The following GPC3 variants were observed in gnomAD, a reference collection of about 807,000 sequenced individuals.
GPC3 encodes glypican 3.
A neutral mutation model predicts 34.4 loss-of-function variants in GPC3; 3 were observed. The observed-to-expected ratio is 0.09, with a 90% CI of 0.04 to 0.23. The LOEUF is 0.23. GPC3 is among the 10% of genes least tolerant of loss of function. The probability of loss-of-function intolerance (pLI) is 1.00; values close to 1 mark genes in which losing one functional copy is unlikely to be tolerated. For synonymous variants in GPC3, 177 were observed against 174.0 expected, an observed-to-expected ratio of 1.02 and a Z score of -0.13; for missense variants, 351 against 445.6, an observed-to-expected ratio of 0.79 and a Z score of 1.91.
chrX:133,730,239 C>T (rs1696960624), intron 3 of GPC3, among the ~76,000 whole-genome samples: 1 of 111,972 alleles, frequency 8.9e-6, no homozygotes, highest in African/African-American at 3.2e-5. Flanking sequence ...CTTTATAGTA[C>T]TCATCTGCAA....
chrX:133,623,414 C>A (rs778757014), intron 6 of GPC3, among the ~76,000 whole-genome samples: 2 of 111,599 alleles, frequency 1.8e-5, no homozygotes, highest in Admixed American at 9.6e-5. Flanking sequence ...TCAGGAGACC[C>A]ATCTCACGTG....
At chrX:133,542,286 A>G (rs1203556701) in intron 7 of GPC3, among the ~76,000 whole-genome samples, 1 of 112,054 alleles carries the variant, frequency 8.9e-6, no homozygotes, top group Non-Finnish European at 1.9e-5. Flanking sequence ...CATTGGAGGC[A>G]GTACACACAG....
chrX:133,644,246 C>G, intron 6 of GPC3, among the ~76,000 whole-genome samples: 2 of 111,660 alleles, frequency 1.8e-5, no homozygotes, highest in Middle Eastern at 4.6e-3. Context: ...TTTCTGGCTA[C>G]TTCAAGTGAC....
Position 133,737,812 on chromosome X carries a change from A to T in GPC3, c.1032+15670T>A, listed in dbSNP as rs763753241. Among the ~76,000 whole-genome samples, 5 of 112,283 alleles carry T rather than the reference A, an allele frequency of 4.5e-5. No homozygotes were observed. In the East Asian group the frequency reaches 1.4e-3, roughly 31 times the overall value. ...TTTGATTTAAGAAAATGGCAAATAT[A>T]TCATAGTTGAGACATAATGTTTTTC... is the stretch of plus-strand genomic sequence containing the variant. On this transcript the variant is annotated intron_variant, in intron 3 of 7. Transcript: ENST00000370818.
chrX:133,626,915 C>A lies in GPC3; in HGVS notation c.1414-30316G>T, dbSNP rs1764201797. Among the ~76,000 whole-genome samples the A allele has an allele frequency of 2.8e-5, 3 of 107,922 alleles. No individual in the cohort carries two copies. In the Admixed American group the frequency reaches 3.1e-4, roughly 11 times the overall value. 93.7% of individuals were successfully genotyped at this position (107,922 alleles called of 115,157 possible). A position where few individuals can be genotyped will look rare whatever the true frequency, so the allele number is the denominator to read the frequency against. On this transcript the variant is annotated intron_variant, in intron 6 of 7. Transcript: ENST00000370818. The stretch of plus-strand genomic sequence containing the variant: ...CAATAGCAAAGACTTGGAACCAACC[C>A]AAATGTCCAACAATGATAGACTGGA...
At position 133,948,860 on chromosome X, in the gene GPC3, C is replaced by T. The variant is rs542183877; in HGVS notation, c.337+4190G>A. ...ATAAGTGGCAAAAGTTGTTGAAATA[C>T]ATCATGAACTCCAGCCTTGTCGAGG... On this transcript the variant is annotated intron_variant, in intron 2 of 7. Coordinates refer to ENST00000370818, the MANE Select transcript of GPC3 (RefSeq NM_004484.4). Among the ~76,000 whole-genome samples the T allele has an allele frequency of 2.7e-5, 3 of 112,004 alleles. No homozygotes were observed. In the South Asian group the frequency reaches 1.1e-3, roughly 42 times the overall value.
At chrX:133,922,245 G>A (rs1237359080) in intron 2 of GPC3, among the ~76,000 whole-genome samples, 1 of 112,058 alleles carries the variant, frequency 8.9e-6, no homozygotes, top group Admixed American at 9.5e-5. Flanking sequence ...AAGAAAGACT[G>A]GTCCTACGCC....
rs781612003 is a variant in GPC3, at chrX:133,638,821, TAAAAAAAA to T, written c.1413+22901_1413+22908del. 2.3e-4 allele frequency among the ~76,000 whole-genome samples: 17 copies of T among 72,762 alleles called. No individual in the cohort carries two copies. The East Asian group carries it at 5.0e-3, about 22-fold the overall frequency. 63.2% of individuals were successfully genotyped at this position (72,762 alleles called of 115,157 possible). On this transcript the variant is annotated intron_variant, in intron 6 of 7. Coordinates refer to ENST00000370818, the MANE Select transcript of GPC3 (RefSeq NM_004484.4). ...CTAACACTAACAATAGCTGATGAGCTAAAAAAAAAAAAAAAGAAAAAAATCGCAAAGAA... is the reference window on the plus strand; with the variant it reads ...CTAACACTAACAATAGCTGATGAGCTAAAAAAAGAAAAAAATCGCAAAGAA...
At chrX:133,976,081 C>T in intron 1 of GPC3, among the ~76,000 whole-genome samples, 1 of 112,076 alleles carries the variant, frequency 8.9e-6, no homozygotes, top group Non-Finnish European at 1.9e-5. Flanking sequence ...AGTGGTAGCT[C>T]TATGATATCA....
At chrX:133,844,927 G>A (rs1478326788) in intron 2 of GPC3, among the ~76,000 whole-genome samples, 1 of 111,732 alleles carries the variant, frequency 8.9e-6, no homozygotes, top group African/African-American at 3.3e-5. Context: ...CTCAGCTGGT[G>A]GGAGCTATAG....
At chrX:133,887,764 G>C (rs936273416) in intron 2 of GPC3, among the ~76,000 whole-genome samples, 3 of 111,568 alleles carry the variant, frequency 2.7e-5, no homozygotes, top group Non-Finnish European at 5.6e-5. Flanking sequence ...TCTGTAGGTT[G>C]CTTCTTCACT....
intron 2 of GPC3, among the ~76,000 whole-genome samples, chrX:133,775,032 C>CA (rs1435875387): frequency 8.9e-6 from 1 of 111,893 alleles, no homozygotes; most frequent in Non-Finnish European, 1.9e-5. Context: ...ACTGTGTTAA[C>CA]ACTGTCAGTC....
At chrX:133,842,362 A>ATATAT (rs779329401) in intron 2 of GPC3, among the ~76,000 whole-genome samples, 3,135 of 106,189 alleles carry the variant, frequency 0.03, 50 homozygotes, top group African/African-American at 0.044. Flanking sequence ...ACTCCCCTAT[A>ATATAT]TATATTACAT....
chrX:133,886,913 G>T (rs962119676), intron 2 of GPC3, among the ~76,000 whole-genome samples: 10 of 112,681 alleles, frequency 8.9e-5, no homozygotes, highest in African/African-American at 3.2e-4. Context: ...GAACATGCGG[G>T]TACAGCTATC....
chrX:133,968,141 T>C (rs2076472431), intron 1 of GPC3, among the ~76,000 whole-genome samples: 1 of 112,175 alleles, frequency 8.9e-6, no homozygotes, highest in African/African-American at 3.2e-5. Context: ...AAGAAATACC[T>C]ATAACCCCAG....
At chrX:133,829,928 A>G (rs1043295053) in intron 2 of GPC3, among the ~76,000 whole-genome samples, 1 of 112,144 alleles carries the variant, frequency 8.9e-6, no homozygotes, top group East Asian at 2.8e-4. Flanking sequence ...TAAAGATGTA[A>G]TCTTCCCAAA....
intron 5 of GPC3, among the ~76,000 whole-genome samples, chrX:133,663,583 A>AT (rs910723749): frequency 4.5e-5 from 5 of 111,283 alleles, no homozygotes; most frequent in African/African-American, 1.6e-4. Flanking sequence ...CTCTCACATG[A>AT]TTTTCACTTC....
In GPC3 at chrX:133,721,065, G is replaced by A. The variant is rs183854564; in HGVS notation, c.1033-21037C>T. Among the ~76,000 whole-genome samples, 13 of 107,112 alleles carry A rather than the reference G, an allele frequency of 1.2e-4. No homozygotes were observed. In the East Asian group the frequency reaches 3.8e-3, roughly 31 times the overall value. 93.0% of individuals were successfully genotyped at this position (107,112 alleles called of 115,157 possible). On this transcript the variant is annotated intron_variant, in intron 3 of 7. Coordinates refer to ENST00000370818, the MANE Select transcript of GPC3 (RefSeq NM_004484.4). The stretch of plus-strand genomic sequence containing the variant: ...AAATTTTTAAAAAATAATGAGAAGG[G>A]AGATCCCAACTCAGTAACTTAAGCT...
chrX:133,937,582 C>G (rs763929223), intron 2 of GPC3, among the ~76,000 whole-genome samples: 1 of 110,384 alleles, frequency 9.1e-6, no homozygotes, highest in Non-Finnish European at 1.9e-5. Context: ...AAAAAAAAAC[C>G]TACACGTGTG....
Sources: allele counts gnomAD v4.1 joint callset (sites outside exome capture counted in the v4.1 genomes callset), GRCh38; gene constraint gnomAD v4.1.1; transcripts MANE v1.5; gene names NCBI Gene and HGNC (gene_info 2026-07-23, HGNC 2026-07-21).